Variants in HPSE2 observed in about 807,000 individuals in gnomAD.
HPSE2 encodes the protein heparanase 2 (inactive), also known as inactive heparanase-2.
In HPSE2, 38 loss-of-function variants were observed where a neutral mutation model predicts 60.5. The observed-to-expected ratio is 0.63, with a 90% confidence interval of 0.48 to 0.82. HPSE2 has a LOEUF of 0.82. Ranked by LOEUF, HPSE2 falls within the 40% of genes least tolerant of loss-of-function variation. The pLI is 0.00. For missense variants in HPSE2, 713 were observed against 740.4 expected (o/e 0.96, Z 0.43); for synonymous variants, 295 against 293.2 (o/e 1.01, Z -0.06).
intron 3 of HPSE2, among the ~76,000 whole-genome samples, chr10:98,974,082 C>G (rs1417112329): frequency 6.6e-6 from 1 of 151,758 alleles, no homozygotes; most frequent in Non-Finnish European, 1.5e-5. Context: ...CTTGAGACAA[C>G]AAGTTTGAGA....
At chr10:98,528,737 A>T (rs971180325) in intron 9 of HPSE2, among the ~76,000 whole-genome samples, 8 of 152,218 alleles carry the variant, frequency 5.3e-5, no homozygotes, top group Admixed American at 1.3e-4. Context: ...TTCCGAGGGA[A>T]GTGCTGTGCA....
At chr10:99,296,717 G>T in the HPSE2 span, among the ~76,000 whole-genome samples, 2 of 152,206 alleles carry the variant, frequency 1.3e-5, no homozygotes, top group Non-Finnish European at 2.9e-5. Context: ...AATGCAGGGT[G>T]AAGAAAGAAG....
At chr10:98,468,914 C>T (rs1940666597) in intron 11 of HPSE2, among the ~76,000 whole-genome samples, 1 of 152,156 alleles carries the variant, frequency 6.6e-6, no homozygotes, top group African/African-American at 2.4e-5. Flanking sequence ...TTTATTTGCC[C>T]TCCATCCTAC....
At chr10:98,585,308 A>G (rs978267653) in intron 9 of HPSE2, among the ~76,000 whole-genome samples, 1 of 148,188 alleles carries the variant, frequency 6.7e-6, no homozygotes, top group Non-Finnish European at 1.5e-5. Flanking sequence ...ATCTCACTCT[A>G]TCACCTAGGC....
intron 9 of HPSE2, among the ~76,000 whole-genome samples, chr10:98,566,935 A>G (rs1944364313): frequency 6.6e-6 from 1 of 152,176 alleles, no homozygotes; most frequent in African/African-American, 2.4e-5. Context: ...CATTACCATA[A>G]TCTTTTACTA....
chr10:98,744,187 G>C (rs1240305588), intron 3 of HPSE2, 131 bp from the exon 4 acceptor site: 9 of 864,066 alleles, frequency 1.0e-5, no homozygotes, highest in Non-Finnish European at 1.7e-5. Context: ...GCTTCTAAAA[G>C]GGACTATTAC....
intron 7 of HPSE2, among the ~76,000 whole-genome samples, chr10:98,628,069 TG>T (rs1946264457): frequency 6.6e-6 from 1 of 152,196 alleles, no homozygotes; most frequent in Non-Finnish European, 1.5e-5. Flanking sequence ...TTATATGAAA[TG>T]TTTTTTGGGG....
intron 3 of HPSE2, among the ~76,000 whole-genome samples, chr10:98,954,837 A>C (rs1028515842): frequency 5.3e-5 from 8 of 151,986 alleles, no homozygotes; most frequent in Admixed American, 5.3e-4. Flanking sequence ...TGTGATAGTG[A>C]AACTACCAAT....
At chr10:98,720,308 CAT>C (rs1205641559) in intron 5 of HPSE2, among the ~76,000 whole-genome samples, 1 of 151,644 alleles carries the variant, frequency 6.6e-6, no homozygotes, top group Admixed American at 6.6e-5. Context: ...TAAGAGGAAA[CAT>C]AAGAATTTGG....
intron 3 of HPSE2, among the ~76,000 whole-genome samples, chr10:99,026,565 T>G (rs1235904987): frequency 2.6e-5 from 4 of 152,108 alleles, no homozygotes; most frequent in Non-Finnish European, 5.9e-5. Flanking sequence ...GGACAGATAT[T>G]CCAGACAGAA....
the HPSE2 span, among the ~76,000 whole-genome samples, chr10:99,259,972 C>T: frequency 4.9e-4 from 75 of 152,166 alleles, no homozygotes; most frequent in Non-Finnish European, 2.9e-4. Flanking sequence ...ACCCTTCCCC[C>T]GTAGAAAAAC....
intron 4 of HPSE2, among the ~76,000 whole-genome samples, chr10:98,741,177 C>A (rs906045920): frequency 6.6e-6 from 1 of 151,942 alleles, no homozygotes; most frequent in Non-Finnish European, 1.5e-5. Context: ...GATTTTCTGA[C>A]GAGATTCATA....
rs575908043 is a variant in HPSE2 at position 98,664,167 on chromosome 10, C to T, written c.1005-22227G>A. On this transcript the variant is annotated intron_variant, in intron 6 of 11. Transcript: ENST00000370552. ...CCCATCTCAGCTGCTCCTAGCCAGG[C>T]AAAACTTGCTTGGGCTTTCAGTACA... Among the ~76,000 whole-genome samples the T allele has an allele frequency of 3.3e-5, 5 of 152,222 alleles. No individual in the cohort carries two copies. The South Asian group carries it at 8.3e-4, about 25-fold the overall frequency.
intron 2 of HPSE2, among the ~76,000 whole-genome samples, chr10:99,227,837 C>CTA (rs35461640): frequency 0.5 from 70,446 of 142,158 alleles, 20,199 homozygotes; most frequent in Non-Finnish European, 0.64. Flanking sequence ...AGTTGAATGT[C>CTA]TATATATATA....
At chr10:99,301,091 T>C in the HPSE2 span, among the ~76,000 whole-genome samples, 2 of 152,226 alleles carry the variant, frequency 1.3e-5, no homozygotes, top group Admixed American at 6.5e-5. Context: ...TATTGGTTCA[T>C]AGTGTTAGAC....
intron 6 of HPSE2, among the ~76,000 whole-genome samples, chr10:98,688,487 T>C (rs1256632186): frequency 1.4e-5 from 2 of 141,840 alleles, no homozygotes; most frequent in Non-Finnish European, 3.1e-5. Flanking sequence ...CTTTTTTTTT[T>C]TTTTTTGAGG....
chr10:99,099,985 C>T (rs538349866), intron 3 of HPSE2, among the ~76,000 whole-genome samples: 1 of 152,270 alleles, frequency 6.6e-6, no homozygotes, highest in African/African-American at 2.4e-5. Flanking sequence ...ACCAAAACCC[C>T]ATCTGTATGT....
At chr10:99,172,126 C>T (rs1847334957) in intron 2 of HPSE2, among the ~76,000 whole-genome samples, 1 of 152,166 alleles carries the variant, frequency 6.6e-6, no homozygotes, top group African/African-American at 2.4e-5. Flanking sequence ...TACGAATGAT[C>T]CCATCATCCA....
rs146356138 is a variant in HPSE2, at chr10:99,208,145, T to C, written c.448+24203A>G. 2.5e-3 allele frequency among the ~76,000 whole-genome samples: 382 copies of C among 151,910 alleles called. 2 individuals are homozygous for C. The highest frequency in any genetic ancestry group is 8.7e-3 in the African/African-American group (362 of 41,500). On this transcript the variant is annotated intron_variant, in intron 2 of 11. Transcript: ENST00000370552. The stretch of plus-strand genomic sequence containing the variant: ...CTTTCTCTCTCAAAATATCTTATTG[T>C]AATGTACCATAGTAACTGAAAGTTC...
Sources: gnomAD v4.1 joint callset for allele counts (sites outside exome capture counted in the v4.1 genomes callset) on GRCh38, gnomAD v4.1.1 for gene constraint, MANE v1.5 for transcripts, NCBI Gene and HGNC (gene_info 2026-07-23, HGNC 2026-07-21) for gene names.